Variants in SGCZ observed in about 807,000 individuals in gnomAD.
SGCZ encodes sarcoglycan zeta.
In SGCZ, 40 loss-of-function variants were observed where a neutral mutation model predicts 41.3. That is an observed-to-expected ratio of 0.97 (90% CI 0.75 to 1.26). The LOEUF (loss-of-function observed/expected upper bound fraction) is 1.26. SGCZ is among the 50% of genes most tolerant of loss of function. The pLI, the probability that SGCZ is intolerant of heterozygous loss-of-function variation, is 0.00. For synonymous variants in SGCZ, 206 were observed against 137.5 expected, an observed-to-expected ratio of 1.50 and a Z score of -3.49; for missense variants, 552 against 369.8, an observed-to-expected ratio of 1.49 and a Z score of -4.04.
chr8:14,675,604 A>C (rs777775354), intron 1 of SGCZ, among the ~76,000 whole-genome samples: 12 of 152,154 alleles, frequency 7.9e-5, no homozygotes, highest in Non-Finnish European at 1.6e-4. Flanking sequence ...CTGAGCTCCT[A>C]CTGTTTGGCA....
At chr8:14,196,949 G>C (rs1040843413) in intron 4 of SGCZ, among the ~76,000 whole-genome samples, 3 of 152,018 alleles carry the variant, frequency 2.0e-5, no homozygotes, top group African/African-American at 7.2e-5. Context: ...ATGACGGAAA[G>C]GCATATAGGA....
chr8:14,423,041 A>T (rs1020210804), intron 2 of SGCZ, among the ~76,000 whole-genome samples: 1 of 152,060 alleles, frequency 6.6e-6, no homozygotes, highest in Non-Finnish European at 1.5e-5. Context: ...AACAAAACAA[A>T]ACAAAAACCA....
intron 1 of SGCZ, among the ~76,000 whole-genome samples, chr8:15,172,323 G>T (rs980265668): frequency 1.5e-4 from 22 of 150,476 alleles, no homozygotes; most frequent in Admixed American, 4.6e-4. Flanking sequence ...CACCATGCCC[G>T]GCTAATTTTT....
At chr8:14,748,159 T>C (rs1225312520) in intron 1 of SGCZ, among the ~76,000 whole-genome samples, 1 of 152,102 alleles carries the variant, frequency 6.6e-6, no homozygotes, top group African/African-American at 2.4e-5. Context: ...TGTATTAAGC[T>C]CTTCTAATAT....
chr8:14,196,263 A>ATT (rs1563179572), intron 4 of SGCZ, among the ~76,000 whole-genome samples: 5 of 87,500 alleles, frequency 5.7e-5, no homozygotes, highest in Middle Eastern at 5.6e-3. Flanking sequence ...TAATTAGAGT[A>ATT]ATTTTTTTTT....
chr8:14,672,712 A>G (rs1024270948), intron 1 of SGCZ, among the ~76,000 whole-genome samples: 1 of 152,148 alleles, frequency 6.6e-6, no homozygotes, highest in Non-Finnish European at 1.5e-5. Context: ...AGAAAATTCT[A>G]AATTTTTTAG....
intron 1 of SGCZ, among the ~76,000 whole-genome samples, chr8:14,598,286 T>C (rs1393635185): frequency 6.6e-6 from 1 of 152,126 alleles, no homozygotes; most frequent in Non-Finnish European, 1.5e-5. Context: ...TAATTATATT[T>C]GAATTTAATG....
chr8:15,087,609 T>A (rs565291270), intron 1 of SGCZ, among the ~76,000 whole-genome samples: 1 of 152,296 alleles, frequency 6.6e-6, no homozygotes, highest in Admixed American at 6.5e-5. Context: ...GACATGGGTG[T>A]ACTAAAGAGC....
At chr8:14,890,119 A>T (rs1041254122) in intron 1 of SGCZ, among the ~76,000 whole-genome samples, 12 of 152,048 alleles carry the variant, frequency 7.9e-5, no homozygotes, top group Non-Finnish European at 1.5e-4. Context: ...CGGGAGGCTG[A>T]GGCAGGTGAA....
chr8:14,274,346 G>A (rs138528646), intron 3 of SGCZ, among the ~76,000 whole-genome samples: 136 of 152,162 alleles, frequency 8.9e-4, no homozygotes, highest in African/African-American at 2.9e-3. Context: ...TATTATTAAC[G>A]CTGCACTTAT....
intron 2 of SGCZ, among the ~76,000 whole-genome samples, chr8:14,346,871 T>C (rs1228619525): frequency 6.6e-6 from 1 of 152,088 alleles, no homozygotes; most frequent in East Asian, 1.9e-4. Context: ...GTTTAGGGCG[T>C]TTCCTTTTTT....
intron 2 of SGCZ, among the ~76,000 whole-genome samples, chr8:14,404,026 A>C (rs1372570322): frequency 6.6e-6 from 1 of 152,148 alleles, no homozygotes; most frequent in African/African-American, 2.4e-5. Context: ...GAGAAGATGG[A>C]GGAGGGGGGC....
intron 1 of SGCZ, among the ~76,000 whole-genome samples, chr8:14,915,445 A>C (rs1799404524): frequency 6.6e-6 from 1 of 152,124 alleles, no homozygotes; most frequent in African/African-American, 2.4e-5. Context: ...TTGTAAAATC[A>C]AGCTGCAGAC....
At chr8:14,413,929 C>T (rs75051695) in intron 2 of SGCZ, among the ~76,000 whole-genome samples, 4 of 151,948 alleles carry the variant, frequency 2.6e-5, no homozygotes, top group Non-Finnish European at 4.4e-5. Context: ...TAAATAAACT[C>T]ATCATTTACT....
At chr8:14,939,257 G>A (rs1316812138) in intron 1 of SGCZ, among the ~76,000 whole-genome samples, 1 of 152,096 alleles carries the variant, frequency 6.6e-6, no homozygotes, top group Non-Finnish European at 1.5e-5. Context: ...TTTGTCAGCA[G>A]CTGGTATTCA....
chr8:14,277,196 G>A (rs192955089), intron 3 of SGCZ, among the ~76,000 whole-genome samples: 16 of 152,242 alleles, frequency 1.1e-4, no homozygotes, highest in African/African-American at 3.8e-4. Flanking sequence ...TTTTCAATAT[G>A]ACATGTGCCA....
chr8:14,601,882 T>A (rs528895183), intron 1 of SGCZ, among the ~76,000 whole-genome samples: 116 of 152,040 alleles, frequency 7.6e-4, no homozygotes, highest in Middle Eastern at 3.4e-3. Context: ...GCACTTTGGG[T>A]GGCCGAGGCG....
At chr8:14,283,001 C>G in intron 3 of SGCZ, among the ~76,000 whole-genome samples, 1 of 150,932 alleles carries the variant, frequency 6.6e-6, no homozygotes, top group Non-Finnish European at 1.5e-5. Flanking sequence ...AGGTGCCCGC[C>G]ACCACGCCCG....
chr8:15,025,991 A>G (rs10087569), intron 1 of SGCZ, among the ~76,000 whole-genome samples: 10,000 of 152,192 alleles, frequency 0.066, 1,055 homozygotes, highest in African/African-American at 0.22. Context: ...TGATACACCT[A>G]GTTTTAAAAT....
Sources: allele counts gnomAD v4.1 joint callset (sites outside exome capture counted in the v4.1 genomes callset), GRCh38; gene constraint gnomAD v4.1.1; transcripts MANE v1.5; gene names NCBI Gene and HGNC (gene_info 2026-07-23, HGNC 2026-07-21).